ECPAS: variants seen among roughly 807,000 people sequenced by gnomAD.
ECPAS encodes Ecm29 proteasome adaptor and scaffold.
Under a neutral mutation model 255.1 loss-of-function variants are expected in ECPAS, and 70 were observed. The observed-to-expected ratio is 0.27, with a 90% CI of 0.23 to 0.33. The LOEUF (loss-of-function observed/expected upper bound fraction) is 0.33, where lower values mean the gene tolerates loss of function less well. Ranked by LOEUF, ECPAS falls within the 10% of genes least tolerant of loss-of-function variation. The probability of loss-of-function intolerance (pLI) is 1.00; values close to 1 mark genes in which losing one functional copy is unlikely to be tolerated. For synonymous variants in ECPAS, 784 were observed against 775.0 expected, an observed-to-expected ratio of 1.01 and a Z score of -0.19; for missense variants, 1,817 against 2,206.4, an observed-to-expected ratio of 0.82 and a Z score of 3.54.
At chr9:111,458,598 A>G (rs574312961) in intron 2 of ECPAS, among the ~76,000 whole-genome samples, 1 of 138,406 alleles carries the variant, frequency 7.2e-6, no homozygotes, top group Non-Finnish European at 1.5e-5. Flanking sequence ...GTTTTCAGCC[A>G]GGTGATTAGG....
At chr9:111,388,891 GT>G (rs1471844364) in intron 31 of ECPAS, among the ~76,000 whole-genome samples, 1 of 152,128 alleles carries the variant, frequency 6.6e-6, no homozygotes, top group East Asian at 1.9e-4. Context: ...TTTAAGTCCT[GT>G]TCTGGGCATG....
intron 35 of ECPAS, among the ~76,000 whole-genome samples, chr9:111,382,520 G>A (rs772802759): frequency 1.3e-5 from 2 of 151,684 alleles, no homozygotes; most frequent in African/African-American, 2.4e-5. Flanking sequence ...CGCCCACCTC[G>A]GCCTCCCAAA....
intron 15 of ECPAS, 142 bp downstream of exon 15, chr9:111,421,779 T>C: frequency 2.0e-6 from 2 of 1,005,130 alleles, no homozygotes; most frequent in East Asian, 2.7e-5. Context: ...ATTTTCATCA[T>C]GAAGAATTAA....
chr9:111,365,313 AT>A (rs2098119011), intron 48 of ECPAS, among the ~76,000 whole-genome samples: 2 of 151,232 alleles, frequency 1.3e-5, no homozygotes, highest in African/African-American at 2.4e-5. Context: ...CATCATCATC[AT>A]CATCATCATC....
chr9:111,454,758 G>C (rs1029066603), intron 2 of ECPAS, among the ~76,000 whole-genome samples: 1 of 149,962 alleles, frequency 6.7e-6, no homozygotes, highest in Non-Finnish European at 1.5e-5. Context: ...ACCCAGGCTA[G>C]AGTGCAGTGG....
At chr9:111,363,895 TCAC>T (rs574781379) in intron 48 of ECPAS, among the ~76,000 whole-genome samples, 47 of 152,214 alleles carry the variant, frequency 3.1e-4, no homozygotes, top group African/African-American at 1.1e-3. Context: ...AGTATACCAA[TCAC>T]CACAACAAAT....
intron 1 of ECPAS, among the ~76,000 whole-genome samples, chr9:111,475,756 A>C (rs973874678): frequency 2.0e-5 from 3 of 151,850 alleles, no homozygotes; most frequent in African/African-American, 7.3e-5. Context: ...AAAAACCCAG[A>C]ATGCAGTGAA....
At chr9:111,474,408 T>C (rs1171197169) in intron 1 of ECPAS, among the ~76,000 whole-genome samples, 1 of 152,202 alleles carries the variant, frequency 6.6e-6, no homozygotes, top group Non-Finnish European at 1.5e-5. Context: ...TTTTACATTA[T>C]ATTAACTCCT....
chr9:111,385,191 A>G (rs2098146194), intron 33 of ECPAS, 146 bp downstream of exon 33: 3 of 551,564 alleles, frequency 5.4e-6, no homozygotes, highest in South Asian at 2.8e-5. Flanking sequence ...GCAACTTCAC[A>G]GACACATTAA....
In ECPAS at chr9:111,418,116, G is replaced by A. The variant is rs546888278; in HGVS notation, c.1560-110C>T. ...TTGGCAGCTAGAGTTCTCAGAAAATGTCTTAAATACATTCTTGGCTATCTA... is the reference window on the plus strand; with the variant it reads ...TTGGCAGCTAGAGTTCTCAGAAAATATCTTAAATACATTCTTGGCTATCTA... On this transcript the variant is annotated intron_variant, in intron 16 of 49. Transcript: ENST00000684092. 2.3e-4 allele frequency: 217 copies of A among 959,540 alleles called. 2 individuals are homozygous for A. The African/African-American group carries it at 3.3e-3, about 15-fold the overall frequency. 59.4% of individuals were successfully genotyped at this position (959,540 alleles called of 1,614,324 possible). A position where few individuals can be genotyped will look rare whatever the true frequency, so the allele number is the denominator to read the frequency against.
intron 1 of ECPAS, among the ~76,000 whole-genome samples, chr9:111,480,356 G>A (rs1453866502): frequency 6.9e-5 from 10 of 144,480 alleles, no homozygotes; most frequent in African/African-American, 1.0e-4. Context: ...GGAGTGCAGC[G>A]GCACAATCTT....
At chr9:111,375,242 ATAAGTCAGGACCACATCTTC>A in intron 37 of ECPAS, 40 bp from the exon 38 acceptor site, 1 of 1,487,910 alleles carries the variant, frequency 6.7e-7, no homozygotes, top group Non-Finnish European at 9.4e-7. Context: ...GCCTTGGCAA[ATAAGTCAGGACCACATCTTC>A]AATTAAAAAC....
chr9:111,407,133 G>A (rs1159186006), intron 24 of ECPAS, among the ~76,000 whole-genome samples: 1 of 146,812 alleles, frequency 6.8e-6, no homozygotes, highest in Non-Finnish European at 1.5e-5. Context: ...TGGGTGCAGT[G>A]GTTCACATCT....
At chr9:111,374,563 T>G (rs2098131222) in intron 38 of ECPAS, among the ~76,000 whole-genome samples, 1 of 152,232 alleles carries the variant, frequency 6.6e-6, no homozygotes, top group Admixed American at 6.5e-5. Flanking sequence ...AGCAGTTATC[T>G]CTGTATGGCA....
At chr9:111,373,257 A>C (rs2098129535) in intron 40 of ECPAS, 21 bp from the exon 41 acceptor site, 1 of 1,613,708 alleles carries the variant, frequency 6.2e-7, no homozygotes, top group East Asian at 2.2e-5. Context: ...AACAATCCTA[A>C]GTATTTCTTT....
rs2098168809 is a variant in ECPAS at position 111,397,153 on chromosome 9, C to T, written c.2653G>A (p.Ala885Thr). The change falls in exon 25 of 50, where the codon GCC (alanine) becomes ACC (threonine). Residue 885 changes from alanine to threonine, a missense_variant and splice_region_variant. Around this residue, in one of 4 missense-constraint regions of ECPAS, gnomAD observed 960 missense variants for 1,179.0 expected, o/e 0.81. Coordinates refer to ENST00000684092, the MANE Select transcript of ECPAS (RefSeq NM_001364929.1). ...GTGAACTGAAGTTCTATCTGCTTGG[C>T]CTGCAACGAAGGAAGTAAAAACCAT... ...LLQGLMDSVEAKQIELQFTIG... is the reference protein window; with the variant it reads ...LLQGLMDSVETKQIELQFTIG... 2.5e-6 allele frequency: 4 copies of T among 1,613,408 alleles called. No individual in the cohort carries two copies. Among genetic ancestry groups the T allele is most frequent in the Non-Finnish European group, 3.4e-6 (4 of 1,179,586 alleles).
In ECPAS at chr9:111,420,052, A is replaced by G. The variant is rs778037763; in HGVS notation, c.1524T>C (p.Pro508=). The change falls in exon 16 of 50, where the codon CCT becomes CCC. Residue 508 remains proline (P), a synonymous_variant. Transcript: ENST00000684092. ...ASTVFPSDHI[P]SRYLLLLAAG... is the part of the protein sequence containing the mutation. ...CAGCCAGTAGCAGCAAATATCTGGAAGGGATATGATCTGAGGGAAACACCG... is the reference window on the plus strand; with the variant it reads ...CAGCCAGTAGCAGCAAATATCTGGAGGGGATATGATCTGAGGGAAACACCG... The G allele has an allele frequency of 1.7e-5, 28 of 1,612,678 alleles. No homozygotes were observed. The highest frequency in any genetic ancestry group is 3.3e-4 in the Middle Eastern group (2 of 6,078).
intron 31 of ECPAS, among the ~76,000 whole-genome samples, chr9:111,388,550 T>C (rs1213496646): frequency 6.6e-6 from 1 of 151,830 alleles, no homozygotes; most frequent in Non-Finnish European, 1.5e-5. Context: ...ATGGAATTTA[T>C]TTAAAGTGAG....
chr9:111,373,423 G>A lies in ECPAS; in HGVS notation c.4178-17C>T. ...TAAGTTTACCTACCAGAAATAAAGAGAAAAAAATCTGATACTTGGTTGACC... is the reference window on the plus strand; with the variant it reads ...TAAGTTTACCTACCAGAAATAAAGAAAAAAAAATCTGATACTTGGTTGACC... On this transcript the variant is annotated splice_polypyrimidine_tract_variant and intron_variant, in intron 39 of 49. Transcript: ENST00000684092. 1.9e-6 allele frequency: 3 copies of A among 1,601,760 alleles called. No homozygotes were observed. Among genetic ancestry groups the A allele is most frequent in the Admixed American group, 1.7e-5 (1 of 58,722 alleles).
Sources: gnomAD v4.1 joint callset for allele counts (sites outside exome capture counted in the v4.1 genomes callset) on GRCh38, gnomAD v4.1.1 for gene constraint, gnomAD v4.1.1 regional missense constraint, MANE v1.5 for transcripts, NCBI Gene and HGNC (gene_info 2026-07-23, HGNC 2026-07-21) for gene names.